Variants in RELN observed in about 807,000 individuals in gnomAD.
RELN encodes reelin.
A neutral mutation model predicts 427.6 loss-of-function variants in RELN; 108 were observed. The ratio of observed to expected loss-of-function variants is 0.25; its 90% CI spans 0.22 to 0.30. RELN has a LOEUF of 0.30. RELN is among the 10% of genes least tolerant of loss of function. The pLI is 1.00. For missense variants in RELN, 3,715 were observed against 4,302.8 expected (o/e 0.86, Z 3.82); for synonymous variants, 1,524 against 1,513.4 (o/e 1.01, Z -0.16).
rs1210311867 is a variant in RELN at position 103,563,821 on chromosome 7, C to T, written c.5210+1457G>A. On this transcript the variant is annotated intron_variant, in intron 34 of 64. Transcript: ENST00000428762. The surrounding 1 kb of genome is among the most constrained non-coding windows in gnomAD (Gnocchi z 4.1). ...CTATGTTTAGATATGTTTAGATATA[C>T]AAATACTTGGAATTATGTTACAATT... Among the ~76,000 whole-genome samples, 1 of 152,112 alleles carries T rather than the reference C, an allele frequency of 6.6e-6. No homozygotes were observed. Among genetic ancestry groups the T allele is most frequent in the Non-Finnish European group, 1.5e-5 (1 of 68,036 alleles).
chr7:103,812,291 T>A (rs537459907), intron 3 of RELN, among the ~76,000 whole-genome samples: 59 of 152,306 alleles, frequency 3.9e-4, no homozygotes, highest in African/African-American at 1.4e-3. Context: ...TGCCCAGGAC[T>A]TCACTATCTG....
In RELN at chr7:103,574,283, A is replaced by G. The variant is rs1584308763; in HGVS notation, c.4320T>C (p.Cys1440=). ...DLGYTAAQGT[C]VSNVPNHNEM... Reference sequence around the variant, plus strand: ...CATTGTGATTGGGGACATTTGACACACAGGTTCCTTGTGCAGCTTCAGAAA... The same window carrying G: ...CATTGTGATTGGGGACATTTGACACGCAGGTTCCTTGTGCAGCTTCAGAAA... The change falls in exon 30 of 65, where the codon TGT becomes TGC. Residue 1440 remains cysteine, a synonymous_variant. Transcript: ENST00000428762. The G allele has an allele frequency of 6.2e-7, 1 of 1,614,138 alleles. No homozygotes were observed. The highest frequency in any genetic ancestry group is 1.7e-5 in the Admixed American group (1 of 60,026).
chr7:103,629,804 G>C (rs1832411272), intron 20 of RELN, 136 bp downstream of exon 20: 1 of 732,418 alleles, frequency 1.4e-6, no homozygotes, highest in African/African-American at 1.7e-5. Flanking sequence ...CCTGAAAACA[G>C]TAGTTCTGTT....
intron 41 of RELN, among the ~76,000 whole-genome samples, chr7:103,546,409 A>G (rs1206430775): frequency 6.6e-6 from 1 of 152,216 alleles, no homozygotes; most frequent in Non-Finnish European, 1.5e-5. Flanking sequence ...TAGTTGATGG[A>G]CATTTGGTTG....
chr7:103,805,115 T>A (rs1792565469), intron 3 of RELN, among the ~76,000 whole-genome samples: 1 of 152,078 alleles, frequency 6.6e-6, no homozygotes. Flanking sequence ...TGGATTCTGC[T>A]CTTGATTTTG....
intron 1 of RELN, among the ~76,000 whole-genome samples, chr7:103,919,089 T>A (rs986124279): frequency 6.6e-6 from 1 of 151,936 alleles, no homozygotes; most frequent in African/African-American, 2.4e-5. Context: ...TTTCCTCGTT[T>A]AAGCAGATGT....
intron 24 of RELN, among the ~76,000 whole-genome samples, chr7:103,601,345 T>C (rs1831663657): frequency 6.6e-6 from 1 of 152,220 alleles, no homozygotes; most frequent in Admixed American, 6.5e-5. Flanking sequence ...GGAAATACTG[T>C]TAAATGGACT....
chr7:103,910,540 G>C (rs1426644675), intron 2 of RELN, among the ~76,000 whole-genome samples: 1 of 149,522 alleles, frequency 6.7e-6, no homozygotes, highest in African/African-American at 2.5e-5. Flanking sequence ...AGCCCGCATC[G>C]CCAAGTCAAT....
At position 103,616,678 on chromosome 7, in the gene RELN, A is replaced by T. The variant is rs141781439; in HGVS notation, c.2703-4875T>A. 3.3e-3 allele frequency among the ~76,000 whole-genome samples: 508 copies of T among 152,162 alleles called. 7 individuals carry two copies. Among genetic ancestry groups the T allele is most frequent in the African/African-American group, 0.012 (485 of 41,552 alleles). On this transcript the variant is annotated intron_variant, in intron 20 of 64. Coordinates refer to ENST00000428762, the MANE Select transcript of RELN (RefSeq NM_005045.4). Reference sequence around the variant, plus strand: ...TGTGTACACACACATACTTTTTTTTAAAAAATTATGAAATCATAATAAATA... The same window carrying T: ...TGTGTACACACACATACTTTTTTTTTAAAAATTATGAAATCATAATAAATA...
At chr7:103,790,043 A>T (rs1314313761) in intron 3 of RELN, among the ~76,000 whole-genome samples, 5 of 152,228 alleles carry the variant, frequency 3.3e-5, no homozygotes, top group African/African-American at 4.8e-5. Context: ...AGGGACATGG[A>T]TGAAGCTGGA....
At chr7:103,591,918 C>A (rs777321507) in intron 27 of RELN, among the ~76,000 whole-genome samples, 1 of 152,094 alleles carries the variant, frequency 6.6e-6, no homozygotes, top group South Asian at 2.1e-4. Flanking sequence ...ATGTTTAAGT[C>A]TCTCCTATCT....
At chr7:103,477,253 A>G (rs1283692262) in intron 64 of RELN, among the ~76,000 whole-genome samples, 1 of 152,148 alleles carries the variant, frequency 6.6e-6, no homozygotes, top group African/African-American at 2.4e-5. Context: ...TTGAACTGTT[A>G]CTCTTTAAAG....
intron 2 of RELN, among the ~76,000 whole-genome samples, chr7:103,857,284 T>C (rs1462666884): frequency 6.6e-6 from 1 of 152,164 alleles, no homozygotes; most frequent in Admixed American, 6.5e-5. Context: ...TGAATATAAA[T>C]TTTATGAATG....
intron 4 of RELN, among the ~76,000 whole-genome samples, chr7:103,759,990 CTTTTTTTTTTT>C (rs57019839): frequency 1.3e-3 from 85 of 64,930 alleles, no homozygotes; most frequent in Non-Finnish European, 2.1e-3. Context: ...CACAGTCATA[CTTTTTTTTTTT>C]TTTTTTTTTT....
chr7:103,554,981 A>T (rs952840918), intron 38 of RELN, among the ~76,000 whole-genome samples: 1 of 152,238 alleles, frequency 6.6e-6, no homozygotes, highest in Non-Finnish European at 1.5e-5. Context: ...TATTTAATAC[A>T]GAAGAAAAAT....
At position 103,595,619 on chromosome 7, in the gene RELN, A is replaced by G. The variant is rs1409333091; in HGVS notation, c.3539+837T>C. Reference sequence around the variant, plus strand: ...ATATAGTCTTAAATAATTTTTTTTCAATAAACAAGTCTCATTTGTAAAATG... The same window carrying G: ...ATATAGTCTTAAATAATTTTTTTTCGATAAACAAGTCTCATTTGTAAAATG... On this transcript the variant is annotated intron_variant, in intron 25 of 64. Transcript: ENST00000428762. Among the ~76,000 whole-genome samples the G allele has an allele frequency of 3.3e-5, 5 of 152,246 alleles. No individual in the cohort carries two copies. The East Asian group carries it at 7.7e-4, about 23-fold the overall frequency.
chr7:103,950,035 A>C (rs1345961142), intron 1 of RELN, among the ~76,000 whole-genome samples: 2 of 152,226 alleles, frequency 1.3e-5, no homozygotes, highest in African/African-American at 4.8e-5. Flanking sequence ...TTTCTTTTTC[A>C]CAGTTCTGGA....
intron 8 of RELN, among the ~76,000 whole-genome samples, chr7:103,709,579 GC>G (rs1169875604): frequency 2.0e-5 from 3 of 152,080 alleles, no homozygotes; most frequent in Non-Finnish European, 4.4e-5. Flanking sequence ...CTTGTGAAGG[GC>G]CCAGGCAGCC....
chr7:103,715,940 G>T (rs1220830592), intron 8 of RELN, among the ~76,000 whole-genome samples: 3 of 152,174 alleles, frequency 2.0e-5, no homozygotes, highest in Admixed American at 6.5e-5. Flanking sequence ...GAATGCTCAT[G>T]CCTGGCCCAT....
Sources: gnomAD v4.1 joint callset for allele counts (sites outside exome capture counted in the v4.1 genomes callset) on GRCh38, gnomAD v4.1.1 for gene constraint, Gnocchi (gnomAD v3.1) non-coding constraint, MANE v1.5 for transcripts, NCBI Gene and HGNC (gene_info 2026-07-23, HGNC 2026-07-21) for gene names.